KIF5C: variants seen among roughly 807,000 people sequenced by gnomAD.
KIF5C encodes the protein kinesin heavy chain isoform 5C.
KIF5C carries 18 observed loss-of-function variants against 125.2 expected under a neutral mutation model. The observed-to-expected ratio is 0.14, with a 90% CI of 0.10 to 0.21. The LOEUF is 0.21. KIF5C is among the 10% of genes least tolerant of loss of function. The pLI is 1.00. For missense variants in KIF5C, 780 were observed against 1,183.8 expected, an observed-to-expected ratio of 0.66 and a Z score of 5.01; for synonymous variants, 405 against 434.0, an observed-to-expected ratio of 0.93 and a Z score of 0.83.
rs563201933 is a variant in KIF5C at position 148,893,788 on chromosome 2, T to A, written c.126+18045T>A. Among the ~76,000 whole-genome samples the A allele has an allele frequency of 2.6e-5, 4 of 152,364 alleles. No homozygotes were observed. In the East Asian group the frequency reaches 7.7e-4, roughly 29 times the overall value. On this transcript the variant is annotated intron_variant, in intron 1 of 25. Transcript: ENST00000435030. The stretch of plus-strand genomic sequence containing the variant: ...AATATTTCTTGTGGCACTTACATTC[T>A]CATTTTCATGATTATTTTTAGTCTC...
intron 1 of KIF5C, among the ~76,000 whole-genome samples, chr2:148,913,018 A>G (rs1031149581): frequency 5.9e-5 from 9 of 152,248 alleles, no homozygotes; most frequent in Non-Finnish European, 1.2e-4. Context: ...CCATTGTGAT[A>G]TAGACATCCT....
chr2:149,016,660 C>T (rs1682369501), intron 25 of KIF5C, among the ~76,000 whole-genome samples: 1 of 152,160 alleles, frequency 6.6e-6, no homozygotes. Flanking sequence ...TTATGTGCTG[C>T]CTCTCAGACA....
intron 1 of KIF5C, among the ~76,000 whole-genome samples, chr2:148,907,822 AG>A (rs1411176681): frequency 5.3e-5 from 8 of 152,350 alleles, no homozygotes; most frequent in African/African-American, 1.9e-4. Context: ...TCTGTGGCTC[AG>A]GGGCAGTCAA....
At chr2:148,915,178 C>T (rs968475878) in intron 1 of KIF5C, among the ~76,000 whole-genome samples, 5 of 152,130 alleles carry the variant, frequency 3.3e-5, no homozygotes, top group African/African-American at 4.8e-5. Context: ...GTGGGAAATA[C>T]GTGAAGTTTC....
rs533649453 is a variant in KIF5C, at chr2:149,009,997, T to C, written c.2551-138T>C. The C allele has an allele frequency of 8.3e-5, 114 of 1,367,632 alleles. No homozygotes were observed. In the African/African-American group the frequency reaches 1.5e-3, roughly 18 times the overall value. The allele number at this position is 1,367,632 out of a possible 1,614,324, so 84.7% of individuals were successfully genotyped here. A position where few individuals can be genotyped will look rare whatever the true frequency, so the allele number is the denominator to read the frequency against. On this transcript the variant is annotated intron_variant, in intron 23 of 25. Coordinates refer to ENST00000435030, the MANE Select transcript of KIF5C (RefSeq NM_004522.3). Reference sequence around the variant, plus strand: ...CCCCACAGTCTGAGTTTTCCTTTCCTTTCTGTGGTTGTACGGAGTGCCAAG... The same window carrying C: ...CCCCACAGTCTGAGTTTTCCTTTCCCTTCTGTGGTTGTACGGAGTGCCAAG...
chr2:149,005,511 G>T, intron 22 of KIF5C, 47 bp downstream of exon 22: 1 of 1,602,244 alleles, frequency 6.2e-7, no homozygotes. Context: ...ATCAAAGATG[G>T]CAGGGAAGAA....
At chr2:148,909,897 G>A (rs1194305687) in intron 1 of KIF5C, among the ~76,000 whole-genome samples, 1 of 152,148 alleles carries the variant, frequency 6.6e-6, no homozygotes, top group Admixed American at 6.5e-5. Flanking sequence ...CGACTATTAT[G>A]TGTTGTCTCT....
intron 1 of KIF5C, 104 bp downstream of exon 1, chr2:148,875,847 C>G: frequency 6.8e-7 from 1 of 1,460,228 alleles, no homozygotes; most frequent in Non-Finnish European, 9.1e-7. Context: ...CTCGGACATT[C>G]CCGCGGGGCT....
At chr2:148,927,900 C>G (rs879733837) in intron 2 of KIF5C, among the ~76,000 whole-genome samples, 1 of 152,024 alleles carries the variant, frequency 6.6e-6, no homozygotes, top group African/African-American at 2.4e-5. Flanking sequence ...CCTCCTCTCT[C>G]TCCCTGTCCC....
chr2:148,883,470 C>T (rs1289889078), intron 1 of KIF5C: 1 of 151,786 alleles, frequency 6.6e-6, no homozygotes, highest in African/African-American at 2.4e-5. Context: ...CACTGCACTC[C>T]AGCCTGGGCG....
rs1438051451 is a variant in KIF5C, at chr2:149,007,948, T to C, written c.2446-15T>C. On this transcript the variant is annotated splice_polypyrimidine_tract_variant and intron_variant, in intron 22 of 25. Transcript: ENST00000435030. ...GGTGACAGCCTGTCCTGCTGACCCC[T>C]TGGTGTCAATGCAGAGTGTGGAGTT... is the stretch of plus-strand genomic sequence containing the variant. 1 of 1,580,914 alleles carries C rather than the reference T, an allele frequency of 6.3e-7. No individual in the cohort carries two copies. Among genetic ancestry groups the C allele is most frequent in the Admixed American group, 1.7e-5 (1 of 59,274 alleles).
intron 10 of KIF5C, among the ~76,000 whole-genome samples, chr2:148,958,729 C>A (rs141805650): frequency 1.5e-3 from 221 of 152,160 alleles, no homozygotes; most frequent in African/African-American, 5.0e-3. Context: ...TGCCTGCAAT[C>A]CCAGCACTTT....
At chr2:148,882,043 C>T (rs971140240) in intron 1 of KIF5C, among the ~76,000 whole-genome samples, 8 of 152,024 alleles carry the variant, frequency 5.3e-5, no homozygotes, top group Non-Finnish European at 8.8e-5. Context: ...ATTTGCTGCA[C>T]GTCAACCAAG....
chr2:148,956,557 A>C (rs542375057), intron 10 of KIF5C, among the ~76,000 whole-genome samples: 3 of 152,216 alleles, frequency 2.0e-5, no homozygotes, highest in Non-Finnish European at 4.4e-5. Flanking sequence ...TACCTGGGGC[A>C]TGCCTAGATC....
chr2:148,994,303 G>A (rs183080227), intron 16 of KIF5C, 118 bp from the exon 17 acceptor site: 3 of 1,374,600 alleles, frequency 2.2e-6, no homozygotes, highest in Admixed American at 5.1e-5. Flanking sequence ...TTTGGTTGTG[G>A]CACTCAGAAA....
intron 15 of KIF5C, among the ~76,000 whole-genome samples, chr2:148,989,021 A>G (rs1032668380): frequency 3.3e-5 from 5 of 152,068 alleles, no homozygotes; most frequent in African/African-American, 1.2e-4. Flanking sequence ...TTACATGGAT[A>G]AGTTCTTTAG....
intron 10 of KIF5C, among the ~76,000 whole-genome samples, chr2:148,959,881 A>G (rs901003631): frequency 6.6e-6 from 1 of 152,172 alleles, no homozygotes; most frequent in African/African-American, 2.4e-5. Flanking sequence ...CTGTGTCCCT[A>G]CCAATGGCTG....
chr2:148,978,882 C>T (rs1408291117), intron 12 of KIF5C, 40 bp from the exon 13 acceptor site: 4 of 1,556,754 alleles, frequency 2.6e-6, no homozygotes, highest in African/African-American at 2.8e-5. Context: ...TCAAAAATGA[C>T]ATAACTAACC....
At chr2:148,948,100 C>T (rs1486251246) in intron 8 of KIF5C, 2 of 434,076 alleles carry the variant, frequency 4.6e-6, no homozygotes, top group Admixed American at 2.4e-5. Context: ...GTAATCCCAG[C>T]ACTTTGGGAG....
Sources: gnomAD v4.1 joint callset for allele counts (sites outside exome capture counted in the v4.1 genomes callset) on GRCh38, gnomAD v4.1.1 for gene constraint, MANE v1.5 for transcripts, NCBI Gene and HGNC (gene_info 2026-07-23, HGNC 2026-07-21) for gene names.